The following RIMS2 variants were observed in gnomAD, a reference collection of about 807,000 sequenced individuals.
RIMS2 encodes regulating synaptic membrane exocytosis protein 2.
RIMS2 carries 59 observed loss-of-function variants against 174.4 expected under a neutral mutation model. The ratio of observed to expected loss-of-function variants is 0.34; its 90% CI spans 0.27 to 0.42. The LOEUF (loss-of-function observed/expected upper bound fraction) is 0.42, where lower values mean the gene tolerates loss of function less well. Ranked by LOEUF, RIMS2 falls within the 10% of genes least tolerant of loss-of-function variation. The probability of loss-of-function intolerance (pLI) is 1.00; values close to 1 mark genes in which losing one functional copy is unlikely to be tolerated. For synonymous variants in RIMS2, 606 were observed against 572.5 expected (o/e 1.06, Z -0.84); for missense variants, 1,620 against 1,666.3 (o/e 0.97, Z 0.48).
chr8:103,906,658 A>G (rs2074482029), intron 4 of RIMS2, among the ~76,000 whole-genome samples: 1 of 152,190 alleles, frequency 6.6e-6, no homozygotes, highest in Non-Finnish European at 1.5e-5. Context: ...CCTTTTTGGT[A>G]GGTTGCAAGC....
chr8:104,008,422 C>A, intron 17 of RIMS2, among the ~76,000 whole-genome samples: 1 of 150,696 alleles, frequency 6.6e-6, no homozygotes, highest in African/African-American at 2.4e-5. Flanking sequence ...TAAAAATTAA[C>A]AATGAAAATT....
chr8:103,553,323 A>G (rs1472339950), intron 1 of RIMS2, among the ~76,000 whole-genome samples: 1 of 152,164 alleles, frequency 6.6e-6, no homozygotes, highest in Non-Finnish European at 1.5e-5. Context: ...GGAAACCATC[A>G]TTCCGAGCAA....
chr8:103,750,782 T>C (rs181929382), intron 2 of RIMS2, among the ~76,000 whole-genome samples: 1 of 152,266 alleles, frequency 6.6e-6, no homozygotes, highest in Non-Finnish European at 1.5e-5. Context: ...CCTTCCACCA[T>C]GATTGTAAGT....
chr8:103,613,654 T>G (rs2095438685), intron 1 of RIMS2, among the ~76,000 whole-genome samples: 1 of 152,176 alleles, frequency 6.6e-6, no homozygotes, highest in Admixed American at 6.5e-5. Context: ...GCTGGGAATG[T>G]CCTATAGTCA....
intron 1 of RIMS2, among the ~76,000 whole-genome samples, chr8:103,564,300 C>G (rs562636992): frequency 1.3e-5 from 2 of 152,316 alleles, no homozygotes; most frequent in African/African-American, 4.8e-5. Context: ...AAAGTAGTCA[C>G]TTTGGGAGAC....
intron 1 of RIMS2, among the ~76,000 whole-genome samples, chr8:103,552,493 A>G (rs1587549576): frequency 6.6e-6 from 1 of 152,184 alleles, no homozygotes; most frequent in Non-Finnish European, 1.5e-5. Context: ...AACCATAAAA[A>G]CGCTAGAAGA....
intron 14 of RIMS2, among the ~76,000 whole-genome samples, chr8:103,943,538 A>G (rs1251947954): frequency 3.9e-5 from 6 of 152,144 alleles, no homozygotes; most frequent in Non-Finnish European, 8.8e-5. Flanking sequence ...AACTGATGTT[A>G]TTATTACTAT....
chr8:104,180,738 T>C (rs1362447155), intron 19 of RIMS2, among the ~76,000 whole-genome samples: 2 of 151,764 alleles, frequency 1.3e-5, no homozygotes, highest in African/African-American at 2.4e-5. Flanking sequence ...ATTGGATCTT[T>C]TGCCAATCTA....
intron 1 of RIMS2, among the ~76,000 whole-genome samples, chr8:103,571,688 C>G (rs2092820039): frequency 6.6e-6 from 1 of 152,144 alleles, no homozygotes; most frequent in Non-Finnish European, 1.5e-5. Context: ...AAAGAACTCA[C>G]CTTACACTAG....
chr8:103,565,890 C>T (rs1411621214), intron 1 of RIMS2, among the ~76,000 whole-genome samples: 1 of 152,178 alleles, frequency 6.6e-6, no homozygotes, highest in Non-Finnish European at 1.5e-5. Flanking sequence ...TGAAAGTACA[C>T]ACTCAAGGGT....
At chr8:104,201,179 T>G (rs2099052992) in intron 19 of RIMS2, among the ~76,000 whole-genome samples, 1 of 152,134 alleles carries the variant, frequency 6.6e-6, no homozygotes, top group South Asian at 2.1e-4. Context: ...CCCATCTTTG[T>G]GTCTATGTGT....
At chr8:104,198,073 C>T (rs1375614154) in intron 19 of RIMS2, among the ~76,000 whole-genome samples, 1 of 152,044 alleles carries the variant, frequency 6.6e-6, no homozygotes, top group Admixed American at 6.6e-5. Context: ...TTTTATGGTT[C>T]AAAATCAATA....
chr8:104,121,089 G>C (rs547109162), intron 19 of RIMS2, among the ~76,000 whole-genome samples: 12 of 151,786 alleles, frequency 7.9e-5, no homozygotes, highest in Admixed American at 7.2e-4. Context: ...TTCGTGGTGC[G>C]ATACTGAAAT....
chr8:104,231,593 T>C (rs1030305980), intron 19 of RIMS2, among the ~76,000 whole-genome samples: 3 of 152,200 alleles, frequency 2.0e-5, no homozygotes, highest in Non-Finnish European at 4.4e-5. Flanking sequence ...TGTGGCTGAA[T>C]TGGAAATACT....
intron 19 of RIMS2, among the ~76,000 whole-genome samples, chr8:104,238,804 A>T (rs1334192457): frequency 3.3e-5 from 5 of 152,202 alleles, no homozygotes; most frequent in African/African-American, 1.2e-4. Context: ...AATATGCTTT[A>T]AATGTAACAC....
chr8:103,868,356 T>C (rs1171484474), intron 3 of RIMS2, among the ~76,000 whole-genome samples: 1 of 152,130 alleles, frequency 6.6e-6, no homozygotes, highest in Non-Finnish European at 1.5e-5. Context: ...TACGTTCTTG[T>C]TCCTGCTTCT....
intron 3 of RIMS2, among the ~76,000 whole-genome samples, chr8:103,781,148 T>G (rs1157733359): frequency 2.0e-5 from 3 of 152,140 alleles, no homozygotes; most frequent in African/African-American, 7.2e-5. Context: ...GCATCTCCTT[T>G]GATTGAGTTA....
At chr8:103,632,909 AT>A (rs1457054195) in intron 1 of RIMS2, among the ~76,000 whole-genome samples, 5 of 131,228 alleles carry the variant, frequency 3.8e-5, no homozygotes, top group African/African-American at 5.9e-5. Flanking sequence ...AATTTTTTGT[AT>A]TTTTAGTAGA....
chr8:104,060,589 A>G (rs1335935947), intron 19 of RIMS2, among the ~76,000 whole-genome samples: 1 of 151,070 alleles, frequency 6.6e-6, no homozygotes, highest in Non-Finnish European at 1.5e-5. Context: ...CTCTGATTTT[A>G]GTTATTTCTT....
Sources: allele counts gnomAD v4.1 joint callset (sites outside exome capture counted in the v4.1 genomes callset), GRCh38; gene constraint gnomAD v4.1.1; transcripts MANE v1.5; gene names NCBI Gene and HGNC (gene_info 2026-07-23, HGNC 2026-07-21).